The following KCNH8 variants were observed in gnomAD, a reference collection of about 807,000 sequenced individuals.
KCNH8 encodes the protein voltage-gated delayed rectifier potassium channel KCNH8.
Under a neutral mutation model 103.6 loss-of-function variants are expected in KCNH8, and 70 were observed. That is an observed-to-expected ratio of 0.68 (90% CI 0.56 to 0.82). The LOEUF (loss-of-function observed/expected upper bound fraction) is 0.82. Among genes scored for constraint, KCNH8 ranks in the 40% least tolerant of loss-of-function variants. KCNH8 has a pLI of 0.00. For missense variants in KCNH8, 1,217 were observed against 1,329.9 expected, an observed-to-expected ratio of 0.92 and a Z score of 1.32; for synonymous variants, 498 against 489.4, an observed-to-expected ratio of 1.02 and a Z score of -0.23.
chr3:19,236,810 A>G (rs2064072030), intron 1 of KCNH8, among the ~76,000 whole-genome samples: 1 of 152,154 alleles, frequency 6.6e-6, no homozygotes. Flanking sequence ...AATTATTAAC[A>G]CCTTTCTGTA....
intron 6 of KCNH8, among the ~76,000 whole-genome samples, chr3:19,394,211 A>C (rs923819186): frequency 1.7e-4 from 26 of 152,034 alleles, no homozygotes; most frequent in African/African-American, 6.0e-4. Flanking sequence ...TTTCCATATG[A>C]TTTAATGTTT....
At chr3:19,194,765 C>A (rs1378796560) in intron 1 of KCNH8, among the ~76,000 whole-genome samples, 1 of 151,634 alleles carries the variant, frequency 6.6e-6, no homozygotes, top group Admixed American at 6.6e-5. Context: ...ACACATATAT[C>A]ATCTGAATCT....
rs2064231869 is a variant in KCNH8 at position 19,248,313 on chromosome 3, T to C, written c.77-5341T>C. On this transcript the variant is annotated intron_variant, in intron 1 of 15. Coordinates refer to ENST00000328405, the MANE Select transcript of KCNH8 (RefSeq NM_144633.3). The stretch of plus-strand genomic sequence containing the variant: ...TATTTGAGTAGAAACGACATTTCTG[T>C]GCTGCCTATGAGACTCCAGAGTGGC... Among the ~76,000 whole-genome samples, 3 of 152,174 alleles carry C rather than the reference T, an allele frequency of 2.0e-5. No homozygotes were observed. In the South Asian group the frequency reaches 6.2e-4, roughly 31 times the overall value.
chr3:19,343,427 C>T (rs1474396588), intron 4 of KCNH8, among the ~76,000 whole-genome samples: 2 of 152,108 alleles, frequency 1.3e-5, no homozygotes, highest in African/African-American at 4.8e-5. Flanking sequence ...GTTCTTAGCA[C>T]TAAGACTTCA....
chr3:19,251,923 T>C (rs1375169094), intron 1 of KCNH8, among the ~76,000 whole-genome samples: 2 of 152,200 alleles, frequency 1.3e-5, no homozygotes, highest in Admixed American at 6.5e-5. Flanking sequence ...AAATAGCTCA[T>C]ATAATAACAT....
At chr3:19,413,384 G>A (rs939509095) in intron 7 of KCNH8, among the ~76,000 whole-genome samples, 1 of 151,950 alleles carries the variant, frequency 6.6e-6, no homozygotes, top group Non-Finnish European at 1.5e-5. Flanking sequence ...CTAGAGAAGG[G>A]AGGGAAGGAG....
intron 1 of KCNH8, among the ~76,000 whole-genome samples, chr3:19,225,458 C>T (rs2063920358): frequency 6.6e-6 from 1 of 152,080 alleles, no homozygotes; most frequent in South Asian, 2.1e-4. Context: ...AAGTCCTCAG[C>T]AGTTATTACA....
intron 11 of KCNH8, among the ~76,000 whole-genome samples, chr3:19,467,532 T>C (rs2067767156): frequency 6.6e-6 from 1 of 152,204 alleles, no homozygotes; most frequent in African/African-American, 2.4e-5. Flanking sequence ...AGGAATAAGC[T>C]GAACTCTAAT....
At chr3:19,244,002 T>C (rs908030816) in intron 1 of KCNH8, among the ~76,000 whole-genome samples, 2 of 152,194 alleles carry the variant, frequency 1.3e-5, no homozygotes, top group African/African-American at 4.8e-5. Context: ...TAAATAACTG[T>C]GTTTTTTGAA....
intron 5 of KCNH8, among the ~76,000 whole-genome samples, chr3:19,355,254 G>T (rs1232603315): frequency 2.0e-5 from 3 of 152,184 alleles, no homozygotes; most frequent in Non-Finnish European, 2.9e-5. Context: ...AGAGGATGTG[G>T]AGAAATAGGA....
intron 4 of KCNH8, among the ~76,000 whole-genome samples, chr3:19,347,409 G>A (rs2065742897): frequency 6.6e-6 from 1 of 152,046 alleles, no homozygotes; most frequent in South Asian, 2.1e-4. Context: ...TATAATGTGT[G>A]TAGAATTACA....
At position 19,153,733 on chromosome 3, in the gene KCNH8, A is replaced by G. The variant is rs374644646; in HGVS notation, c.76+4938A>G. Among the ~76,000 whole-genome samples the G allele has an allele frequency of 2.0e-4, 30 of 150,710 alleles. No homozygotes were observed. In the East Asian group the frequency reaches 3.3e-3, roughly 17 times the overall value. On this transcript the variant is annotated intron_variant, in intron 1 of 15. Transcript: ENST00000328405. ...CTGAAACCTCCGCCTCCCGGGTTCAAGCAATTCTCTGCCTCAGCCTCCCAA... is the reference window on the plus strand; with the variant it reads ...CTGAAACCTCCGCCTCCCGGGTTCAGGCAATTCTCTGCCTCAGCCTCCCAA...
chr3:19,195,581 G>A (rs1413313696), intron 1 of KCNH8, among the ~76,000 whole-genome samples: 1 of 151,690 alleles, frequency 6.6e-6, no homozygotes. Context: ...TTATATTTTG[G>A]CAGAATTTGG....
chr3:19,507,341 G>T (rs541761428), intron 11 of KCNH8, among the ~76,000 whole-genome samples: 7 of 152,304 alleles, frequency 4.6e-5, no homozygotes, highest in Middle Eastern at 3.4e-3. Context: ...GCCAGTATCA[G>T]TGGGTGTGCT....
At chr3:19,150,475 G>A (rs2063118358) in intron 1 of KCNH8, among the ~76,000 whole-genome samples, 1 of 152,146 alleles carries the variant, frequency 6.6e-6, no homozygotes, top group Admixed American at 6.5e-5. Context: ...AAAGTTGAAT[G>A]AAGTGTAATG....
At chr3:19,213,043 A>C (rs2063785546) in intron 1 of KCNH8, among the ~76,000 whole-genome samples, 1 of 151,998 alleles carries the variant, frequency 6.6e-6, no homozygotes, top group African/African-American at 2.4e-5. Flanking sequence ...ATTTCTCATT[A>C]ATTATCTTCT....
At chr3:19,500,937 T>A (rs1420776320) in intron 11 of KCNH8, among the ~76,000 whole-genome samples, 2 of 151,828 alleles carry the variant, frequency 1.3e-5, no homozygotes, top group Non-Finnish European at 2.9e-5. Flanking sequence ...AGAGCAGAAC[T>A]GAAGGAAATA....
chr3:19,402,852 C>T (rs1314721515), intron 7 of KCNH8, among the ~76,000 whole-genome samples: 2 of 151,786 alleles, frequency 1.3e-5, no homozygotes, highest in Non-Finnish European at 2.9e-5. Context: ...TCCGTACTTC[C>T]TTATAGTATC....
At chr3:19,249,730 A>G (rs915941161) in intron 1 of KCNH8, among the ~76,000 whole-genome samples, 3 of 152,180 alleles carry the variant, frequency 2.0e-5, no homozygotes, top group South Asian at 2.1e-4. Context: ...AATAGGCACT[A>G]TGTTGCTTGA....
Sources: gnomAD v4.1 joint callset for allele counts (sites outside exome capture counted in the v4.1 genomes callset) on GRCh38, gnomAD v4.1.1 for gene constraint, MANE v1.5 for transcripts, NCBI Gene and HGNC (gene_info 2026-07-23, HGNC 2026-07-21) for gene names.